Variants in GP6 observed in about 807,000 individuals in gnomAD.
GP6 encodes the protein platelet glycoprotein VI.
GP6 carries 45 observed loss-of-function variants against 37.3 expected under a neutral mutation model. The ratio of observed to expected loss-of-function variants is 1.21; its 90% confidence interval spans 0.95 to 1.55. The LOEUF is 1.55. Among genes scored for constraint, GP6 ranks in the 40% most tolerant of loss-of-function variants. The pLI is 0.00. For synonymous variants in GP6, 340 were observed against 316.4 expected (o/e 1.07, Z -0.79); for missense variants, 813 against 760.2 (o/e 1.07, Z -0.82).
chr19:55,038,015 A>C (rs73059009), intron 1 of GP6, among the ~76,000 whole-genome samples, 188 bp downstream of exon 1: 2,440 of 152,268 alleles, frequency 0.016, 38 homozygotes, highest in Non-Finnish European at 0.025. Flanking sequence ...AGCCATGAAT[A>C]CACTGGAATA....
intron 6 of GP6, among the ~76,000 whole-genome samples, chr19:55,016,740 G>A (rs1167884994): frequency 6.6e-6 from 1 of 151,834 alleles, no homozygotes; most frequent in African/African-American, 2.4e-5. Context: ...GCTGGGCCAT[G>A]GGAACCCAAA....
Position 55,021,520 on chromosome 19 carries a change from G to GGTTTTTTTT in GP6, c.665-2810_665-2809insAAAAAAAAC, listed in dbSNP as rs556854980. 4.0e-5 allele frequency among the ~76,000 whole-genome samples: 5 copies of GGTTTTTTTT among 126,246 alleles called. 2 individuals carry two copies. The highest frequency in any genetic ancestry group is 5.9e-5 in the African/African-American group (2 of 33,836). The allele number at this position is 126,246 out of a possible 152,430, so 82.8% of individuals were successfully genotyped here. A position where few individuals can be genotyped will look rare whatever the true frequency, so the allele number is the denominator to read the frequency against. ...ACCTGTTGTTTCTTGACTTTTGTTGGTTTTTTTTTTTTTTTTTTGAGATGG... is the reference window on the plus strand; with the variant it reads ...ACCTGTTGTTTCTTGACTTTTGTTGGGTTTTTTTTTTTTTTTTTTTTTTTTTTGAGATGG... On this transcript the variant is annotated intron_variant, in intron 5 of 7. Coordinates refer to ENST00000310373, the MANE Select transcript of GP6 (RefSeq NM_001083899.2).
chr19:55,026,283 T>C (rs1277558719), intron 4 of GP6, among the ~76,000 whole-genome samples: 1 of 152,226 alleles, frequency 6.6e-6, no homozygotes, highest in Non-Finnish European at 1.5e-5. Flanking sequence ...TGTTGACCTC[T>C]AGAACTTATT....
At chr19:55,031,905 G>A (rs1315396676) in intron 3 of GP6, among the ~76,000 whole-genome samples, 1 of 152,026 alleles carries the variant, frequency 6.6e-6, no homozygotes, top group Non-Finnish European at 1.5e-5. Flanking sequence ...CCCTGGAGGT[G>A]GAGGCTGCAG....
At chr19:55,027,988 C>A in intron 3 of GP6, 126 bp from the exon 4 acceptor site, 1 of 899,670 alleles carries the variant, frequency 1.1e-6, no homozygotes. Context: ...AGAGCGCACT[C>A]CCCCACCCAA....
intron 1 of GP6, among the ~76,000 whole-genome samples, chr19:55,035,795 C>T (rs1038622533): frequency 2.6e-5 from 4 of 152,028 alleles, no homozygotes; most frequent in African/African-American, 9.7e-5. Flanking sequence ...TGTCTTTTGG[C>T]CAGGCACAGT....
intron 3 of GP6, among the ~76,000 whole-genome samples, chr19:55,028,643 C>G (rs1462808676): frequency 6.6e-6 from 1 of 152,028 alleles, no homozygotes; most frequent in East Asian, 1.9e-4. Context: ...TCAATTATAC[C>G]TCAACAAAGC....
chr19:55,018,428 C>G (rs1270631626), intron 6 of GP6, among the ~76,000 whole-genome samples: 1 of 152,228 alleles, frequency 6.6e-6, no homozygotes, highest in African/African-American at 2.4e-5. Flanking sequence ...CCGCCACAGC[C>G]TTGGCTCCGC....
chr19:55,025,896 G>A (rs1319622598), intron 4 of GP6, among the ~76,000 whole-genome samples: 1 of 150,774 alleles, frequency 6.6e-6, no homozygotes, highest in East Asian at 2.0e-4. Context: ...CATCTACTCA[G>A]GAGGCTGAGG....
intron 3 of GP6, among the ~76,000 whole-genome samples, chr19:55,029,729 G>A (rs1323405999): frequency 9.3e-6 from 1 of 107,192 alleles, no homozygotes; most frequent in South Asian, 3.1e-4. Context: ...GATAAAAAAA[G>A]GTATACTTCA....
At chr19:55,015,779 G>T in intron 6 of GP6, 46 bp from the exon 7 acceptor site, 2 of 1,007,130 alleles carry the variant, frequency 2.0e-6, no homozygotes, top group Non-Finnish European at 3.2e-6. Flanking sequence ...CCATATTCCC[G>T]CCCCCTGTCA....
intron 1 of GP6, 200 bp from the exon 2 acceptor site, chr19:55,032,738 A>C: frequency 3.0e-6 from 2 of 669,564 alleles, no homozygotes; most frequent in Non-Finnish European, 5.4e-6. Context: ...TTTACATGAA[A>C]TATCCAGAAT....
intron 1 of GP6, among the ~76,000 whole-genome samples, chr19:55,037,335 A>ATTT (rs200634689): frequency 3.6e-5 from 5 of 138,298 alleles, no homozygotes; most frequent in African/African-American, 1.3e-4. Context: ...CAATTCCACA[A>ATTT]TTTTTTTTTT....
At position 55,027,863 on chromosome 19, in the gene GP6, C is replaced by T. The variant is rs2074372075; in HGVS notation, c.326-1G>A. 1.2e-6 allele frequency: 2 copies of T among 1,613,972 alleles called. No individual in the cohort carries two copies. The highest frequency in any genetic ancestry group is 1.1e-5 in the South Asian group (1 of 91,090). ...GAGAGCGAGGGTTTGGCAAAAACTC[C>T]TGGGAGAAAAAGAAAGTCTGATGTT... On this transcript the variant is annotated splice_acceptor_variant, in intron 3 of 7. Coordinates refer to ENST00000310373, the MANE Select transcript of GP6 (RefSeq NM_001083899.2). LOFTEE classifies it high-confidence loss of function.
chr19:55,033,250 CGTTCGTGTT>C, intron 1 of GP6, among the ~76,000 whole-genome samples: 1 of 95,532 alleles, frequency 1.0e-5, no homozygotes, highest in Admixed American at 1.2e-4. Flanking sequence ...ACGGTGGACT[CGTTCGTGTT>C]AGACACGGTG....
Position 55,015,682 on chromosome 19 carries a change from C to A in GP6, c.776G>T (p.Gly259Val), listed in dbSNP as rs771329127. Residue 259 changes from glycine (G) to valine (V), a missense_variant, in exon 7 of 8, where the codon GGT becomes GTT. Gly to Val is a moderately radical substitution (Grantham distance 109, BLOSUM62 -3). Transcript: ENST00000310373. ...GGGTCTGGAGAGGATGACTTACTCA[C>A]CAGCTGGAGAGTCTGACTCCTTTGG... The A allele has an allele frequency of 6.4e-7, 1 of 1,560,174 alleles. No individual in the cohort carries two copies. Among genetic ancestry groups the A allele is most frequent in the Non-Finnish European group, 8.8e-7 (1 of 1,130,718 alleles).
intron 5 of GP6, among the ~76,000 whole-genome samples, chr19:55,019,102 T>TTTC (rs2073980807): frequency 2.5e-5 from 2 of 80,268 alleles, no homozygotes; most frequent in Non-Finnish European, 5.6e-5. Flanking sequence ...TTCTTTCTTT[T>TTTC]TTTTCTTTTT....
chr19:55,025,094 A>G (rs2146794677), intron 5 of GP6, 124 bp downstream of exon 5: 1 of 726,052 alleles, frequency 1.4e-6, no homozygotes, highest in Non-Finnish European at 2.5e-6. Context: ...AAGGATTTTT[A>G]AAACAAAGCA....
intron 6 of GP6, among the ~76,000 whole-genome samples, chr19:55,017,732 T>C (rs12462907): frequency 0.55 from 83,736 of 151,782 alleles, 23,690 homozygotes; most frequent in East Asian, 0.74. Context: ...CTGAGGGTGA[T>C]TGGGAGGTTC....
Sources: allele counts gnomAD v4.1 joint callset (sites outside exome capture counted in the v4.1 genomes callset), GRCh38; gene constraint gnomAD v4.1.1; transcripts MANE v1.5; gene names NCBI Gene and HGNC (gene_info 2026-07-23, HGNC 2026-07-21).